Variants in COBL observed in about 807,000 individuals in gnomAD.
COBL encodes the protein protein cordon-bleu.
In COBL, 51 loss-of-function variants were observed where a neutral mutation model predicts 98.8. The observed-to-expected ratio is 0.52, with a 90% CI of 0.41 to 0.65. COBL has a LOEUF of 0.65. Among genes scored for constraint, COBL ranks in the 30% least tolerant of loss-of-function variants. COBL has a pLI of 0.00. For synonymous variants in COBL, 634 were observed against 651.7 expected, an observed-to-expected ratio of 0.97 and a Z score of 0.41; for missense variants, 1,617 against 1,617.5, an observed-to-expected ratio of 1.00 and a Z score of 0.01.
At chr7:51,269,123 C>A (rs2129160781) in intron 1 of COBL, among the ~76,000 whole-genome samples, 1 of 152,150 alleles carries the variant, frequency 6.6e-6, no homozygotes, top group Non-Finnish European at 1.5e-5. Context: ...CCCAAGCACT[C>A]CTGGGATGGG....
intron 6 of COBL, among the ~76,000 whole-genome samples, chr7:51,120,513 C>T (rs1797651809): frequency 6.6e-6 from 1 of 152,162 alleles, no homozygotes; most frequent in Non-Finnish European, 1.5e-5. Context: ...AATTTACCAT[C>T]TTAACCACTT....
chr7:51,101,395 C>T (rs746550441), intron 6 of COBL, among the ~76,000 whole-genome samples: 7 of 152,106 alleles, frequency 4.6e-5, no homozygotes, highest in Non-Finnish European at 4.4e-5. Flanking sequence ...TCAAATCCCC[C>T]CAAAGGGAGG....
chr7:51,087,743 G>A (rs992559878), intron 6 of COBL, among the ~76,000 whole-genome samples: 1 of 150,548 alleles, frequency 6.6e-6, no homozygotes, highest in African/African-American at 2.5e-5. Flanking sequence ...CGAATTGCTG[G>A]GATTACAGGT....
rs554501630 is a variant in COBL at position 51,125,893 on chromosome 7, C to T, written c.957+10265G>A. 1.4e-4 allele frequency among the ~76,000 whole-genome samples: 22 copies of T among 152,294 alleles called. No individual in the cohort carries two copies. The South Asian group carries it at 4.4e-3, about 30-fold the overall frequency. ...ACAGAAATTAAACATCTGGATGTAG[C>T]GATTGTTTCCCAGTGAATCTTTCCA... On this transcript the variant is annotated intron_variant, in intron 6 of 12. Coordinates refer to ENST00000265136, the MANE Select transcript of COBL (RefSeq NM_015198.5).
chr7:51,041,478 C>CTTTTTTTTTTTTTTTTTTTTTT (rs773830122), intron 8 of COBL, among the ~76,000 whole-genome samples: 1 of 80,024 alleles, frequency 1.2e-5, no homozygotes, highest in Non-Finnish European at 2.2e-5. Flanking sequence ...TATTTCTTTC[C>CTTTTTTTTTTTTTTTTTTTTTT]TTTTTTTTTT....
intron 6 of COBL, among the ~76,000 whole-genome samples, chr7:51,129,800 T>C (rs571850072): frequency 1.3e-5 from 2 of 152,192 alleles, no homozygotes; most frequent in African/African-American, 4.8e-5. Flanking sequence ...GCAGGAGAGA[T>C]GCAGCTGGCA....
chr7:51,109,887 G>A (rs895205843), intron 6 of COBL, among the ~76,000 whole-genome samples: 1 of 152,146 alleles, frequency 6.6e-6, no homozygotes, highest in Non-Finnish European at 1.5e-5. Context: ...CTGAGGCAGT[G>A]AAAGAAACAG....
intron 2 of COBL, among the ~76,000 whole-genome samples, chr7:51,207,237 ATTT>A (rs199763616): frequency 3.5e-5 from 5 of 143,330 alleles, no homozygotes; most frequent in Admixed American, 1.4e-4. Context: ...TACAGCGGAC[ATTT>A]TTTTTTTTTT....
intron 1 of COBL, among the ~76,000 whole-genome samples, chr7:51,226,276 G>C (rs989644718): frequency 1.8e-4 from 27 of 152,298 alleles, no homozygotes; most frequent in Non-Finnish European, 1.0e-4. Flanking sequence ...CTGGCTAAGA[G>C]AGTCTGTTTA....
At chr7:51,027,062 G>A (rs578148778) in intron 10 of COBL, among the ~76,000 whole-genome samples, 2 of 152,222 alleles carry the variant, frequency 1.3e-5, no homozygotes, top group East Asian at 3.8e-4. Context: ...TTCCAGAGCC[G>A]ATGTGTGTGT....
chr7:51,267,040 G>A (rs959394926), intron 1 of COBL, among the ~76,000 whole-genome samples: 4 of 152,042 alleles, frequency 2.6e-5, no homozygotes, highest in African/African-American at 9.7e-5. Flanking sequence ...AGGTATCAAA[G>A]ATACCCTCTC....
chr7:51,089,876 G>C (rs1047257252), intron 6 of COBL, among the ~76,000 whole-genome samples: 6 of 151,082 alleles, frequency 4.0e-5, no homozygotes, highest in African/African-American at 1.2e-4. Context: ...AACCCTCTTA[G>C]CAGAATTTCA....
At chr7:51,190,254 G>A (rs184860086) in intron 4 of COBL, among the ~76,000 whole-genome samples, 51 of 152,150 alleles carry the variant, frequency 3.4e-4, no homozygotes, top group African/African-American at 1.2e-3. Flanking sequence ...CTGTCACCTA[G>A]GCTGAGGGCA....
intron 5 of COBL, among the ~76,000 whole-genome samples, chr7:51,152,907 C>T (rs974988100): frequency 6.6e-6 from 1 of 152,178 alleles, no homozygotes; most frequent in African/African-American, 2.4e-5. Context: ...CTTAGATCTG[C>T]CATCCATGGC....
chr7:51,181,315 G>C (rs1415754352), intron 5 of COBL, among the ~76,000 whole-genome samples: 3 of 152,198 alleles, frequency 2.0e-5, no homozygotes, highest in Non-Finnish European at 4.4e-5. Context: ...AAATGCAGTG[G>C]TGGTCATGTC....
chr7:51,154,132 G>C (rs1294715410), intron 5 of COBL, among the ~76,000 whole-genome samples: 3 of 152,170 alleles, frequency 2.0e-5, no homozygotes, highest in African/African-American at 7.2e-5. Context: ...GAATTCTGGG[G>C]ATTTCCTTTA....
rs547913889 is a variant in COBL, at chr7:51,186,689, A to T, written c.686-2490T>A. Among the ~76,000 whole-genome samples, 9 of 152,312 alleles carry T rather than the reference A, an allele frequency of 5.9e-5. No homozygotes were observed. In the South Asian group the frequency reaches 6.2e-4, roughly 11 times the overall value. ...TGTCTGGAGGCACCAGGGGCCTGTG[A>T]CTCACAGTGCTGAGCTGCGCCTAAC... On this transcript the variant is annotated intron_variant, in intron 4 of 12. Coordinates refer to ENST00000265136, the MANE Select transcript of COBL (RefSeq NM_015198.5).
chr7:51,028,531 T>G lies in COBL; in HGVS notation c.2565A>C (p.Thr855=). 6.2e-7 allele frequency: 1 copy of G among 1,614,240 alleles called. No homozygotes were observed. The highest frequency in any genetic ancestry group is 8.5e-7 in the Non-Finnish European group (1 of 1,180,042). Residue 855 remains threonine, a synonymous_variant, in exon 10 of 13, where the codon ACA becomes ACC. Transcript: ENST00000265136. ...ACGTTCTTCTCTGAGGCTTGAGAAA[T>G]GTGACTTCTGTGGTGTGAGCTGCTG... The part of the protein sequence containing the change: ...RVPAAHTTEV[T]FLKPQRRTSS...
At chr7:51,209,692 G>A (rs1792225451) in intron 2 of COBL, among the ~76,000 whole-genome samples, 1 of 152,112 alleles carries the variant, frequency 6.6e-6, no homozygotes, top group African/African-American at 2.4e-5. Context: ...CACTGCCCAT[G>A]GTGTCCTCCA....
Sources: gnomAD v4.1 joint callset for allele counts (sites outside exome capture counted in the v4.1 genomes callset) on GRCh38, gnomAD v4.1.1 for gene constraint, MANE v1.5 for transcripts, NCBI Gene and HGNC (gene_info 2026-07-23, HGNC 2026-07-21) for gene names.